BEST3: variants seen among roughly 807,000 people sequenced by gnomAD.
The protein encoded by BEST3 is bestrophin 3.
Under a neutral mutation model 47.1 loss-of-function variants are expected in BEST3, and 50 were observed. The observed-to-expected ratio is 1.06, with a 90% CI of 0.85 to 1.34. BEST3 has a LOEUF of 1.34. Ranked by LOEUF, BEST3 falls within the 40% of genes most tolerant of loss-of-function variation. The pLI, the probability that BEST3 is intolerant of heterozygous loss-of-function variation, is 0.00. For missense variants in BEST3, 765 were observed against 817.0 expected (o/e 0.94, Z 0.78); for synonymous variants, 282 against 298.8 (o/e 0.94, Z 0.58).
downstream of BEST3, among the ~76,000 whole-genome samples, chr12:69,651,849 C>T (rs891802791): frequency 4.0e-5 from 6 of 150,444 alleles, no homozygotes; most frequent in Non-Finnish European, 7.4e-5. Context: ...AAGCTAGAGG[C>T]GAAAACACCA....
chr12:69,678,448 C>T (rs1464720663), intron 5 of BEST3, among the ~76,000 whole-genome samples: 2 of 151,998 alleles, frequency 1.3e-5, no homozygotes, highest in African/African-American at 4.8e-5. Flanking sequence ...GCTTTTCGAG[C>T]CCTTGGCGAC....
intron 4 of BEST3, among the ~76,000 whole-genome samples, chr12:69,686,717 A>C (rs1040426526): frequency 8.8e-5 from 13 of 148,260 alleles, no homozygotes; most frequent in Non-Finnish European, 1.5e-5. Context: ...GGTTGCAGTG[A>C]GCCAAGATTT....
chr12:69,694,444 T>G lies in BEST3; in HGVS notation c.173A>C (p.Gln58Pro). 6.3e-7 allele frequency: 1 copy of G among 1,593,354 alleles called. No homozygotes were observed. Reference protein sequence around the residue: ...LVYRLLLTGVQKRYFEKLSIY... With the variant: ...LVYRLLLTGVPKRYFEKLSIY... ...TGATAATTTTTCAAAGTAACGTTTT[T>G]GGACTCCTGTAAGTAACAATCTGGA... is the stretch of plus-strand genomic sequence containing the variant. The change falls in exon 3 of 10, where the codon CAA (glutamine) becomes CCA (proline). Residue 58 changes from glutamine (Q) to proline (P), a missense_variant. Gln to Pro is a moderately conservative substitution (Grantham distance 76, BLOSUM62 -1). Transcript: ENST00000330891.
At chr12:69,693,001 G>GATCC (rs1794216965) in intron 4 of BEST3, among the ~76,000 whole-genome samples, 1 of 152,166 alleles carries the variant, frequency 6.6e-6, no homozygotes, top group South Asian at 2.1e-4. Context: ...GACCTCAGGT[G>GATCC]ATCCACCCGC....
chr12:69,679,216 A>G (rs528533095), intron 4 of BEST3, among the ~76,000 whole-genome samples: 3 of 152,380 alleles, frequency 2.0e-5, no homozygotes, highest in Non-Finnish European at 2.9e-5. Context: ...TGGTTTAGTC[A>G]TCTAAAGTTG....
chr12:69,691,277 A>T (rs976315001), intron 4 of BEST3, among the ~76,000 whole-genome samples: 2 of 152,160 alleles, frequency 1.3e-5, no homozygotes, highest in African/African-American at 4.8e-5. Context: ...AGCCTATGGG[A>T]TATATGAGGT....
chr12:69,666,075 A>C (rs1259080824), intron 9 of BEST3, among the ~76,000 whole-genome samples: 3 of 152,138 alleles, frequency 2.0e-5, no homozygotes, highest in Non-Finnish European at 4.4e-5. Context: ...ACTGTAGTGC[A>C]GTGGCATGAG....
At chr12:69,685,553 C>T (rs1015384512) in intron 4 of BEST3, among the ~76,000 whole-genome samples, 7 of 152,224 alleles carry the variant, frequency 4.6e-5, no homozygotes, top group Non-Finnish European at 2.9e-5. Flanking sequence ...GGGAGTCAGG[C>T]GTCAGAATTT....
rs184278383 is a variant in BEST3, at chr12:69,643,631, T to C, written c.*60A>G. ...GAATGTTTTTCAGTTGAGCAGCAGA[T>C]GAGATTGTTGGCTTGTGTTTAGGAG... On this transcript the variant is annotated 3_prime_UTR_variant, in exon 10 of 10. Transcript: ENST00000331471. 20 of 587,224 alleles carry C rather than the reference T, an allele frequency of 3.4e-5. No individual in the cohort carries two copies. In the Admixed American group the frequency reaches 5.0e-4, roughly 15 times the overall value. 36.4% of individuals were successfully genotyped at this position (587,224 alleles called of 1,614,324 possible). A position where few individuals can be genotyped will look rare whatever the true frequency, so the allele number is the denominator to read the frequency against.
At chr12:69,676,800 G>A (rs1465354860) in intron 7 of BEST3, 116 bp downstream of exon 7, 1 of 1,160,992 alleles carries the variant, frequency 8.6e-7, no homozygotes, top group Non-Finnish European at 1.2e-6. Flanking sequence ...GCCATTACAT[G>A]TTAAATCTAC....
In BEST3 at chr12:69,671,462, TGCAGTAGTCA is replaced by T. The variant is rs1884568047; in HGVS notation, c.1056_1065del (p.Asp353TyrfsTer36). Reference sequence around the variant, plus strand: ...ACTGTTGACCCCAGAAATGAGGGTATGCAGTAGTCAGCAGCTGCCAATGTGTATGGTGGGC... The same window carrying T: ...ACTGTTGACCCCAGAAATGAGGGTATGCAGCTGCCAATGTGTATGGTGGGC... On this transcript the variant is annotated frameshift_variant, in exon 9 of 10. Transcript: ENST00000330891. LOFTEE classifies it low-confidence loss of function (END_TRUNC). 26 of 1,614,114 alleles carry T rather than the reference TGCAGTAGTCA, an allele frequency of 1.6e-5. No homozygotes were observed. Among genetic ancestry groups the T allele is most frequent in the Non-Finnish European group, 2.1e-5 (25 of 1,179,990 alleles).
rs1287442664 is a variant in BEST3 at position 69,655,138 on chromosome 12, A to G, written c.1776T>C (p.Leu592=). 6.2e-7 allele frequency: 1 copy of G among 1,614,022 alleles called. No individual in the cohort carries two copies. The highest frequency in any genetic ancestry group is 8.5e-7 in the Non-Finnish European group (1 of 1,180,022). ...TGTGGCTGGACCCCAGGAATCCCGG[A>G]AGACTCCACCTTTTTAGAAAGGTAT... is the stretch of plus-strand genomic sequence containing the variant. ...PGDTFLKRWS[L]PGFLGSSHTS... The change falls in exon 10 of 10, where the codon CTT becomes CTC. Residue 592 remains leucine (L), a synonymous_variant. Transcript: ENST00000330891.
chr12:69,678,897 T>C lies in BEST3; in HGVS notation c.482-4A>G. ...CTTTCATCTGTTGTCATAAAACCTT[T>C]ACAAAAAAATAAAAATCGGTAGGTA... On this transcript the variant is annotated splice_polypyrimidine_tract_variant and splice_region_variant and intron_variant, in intron 4 of 9. Coordinates refer to ENST00000330891, the MANE Select transcript of BEST3 (RefSeq NM_032735.3). 6.2e-7 allele frequency: 1 copy of C among 1,609,612 alleles called. No individual in the cohort carries two copies. Among genetic ancestry groups the C allele is most frequent in the South Asian group, 1.1e-5 (1 of 90,404 alleles).
chr12:69,684,683 G>T (rs557457588), intron 4 of BEST3: 13 of 546,150 alleles, frequency 2.4e-5, no homozygotes, highest in Admixed American at 5.1e-5. Flanking sequence ...AGAGTGCAAC[G>T]TGCCTGGCTT....
rs1197615875 is a variant in BEST3 at position 69,697,689 on chromosome 12, A to G, written c.110T>C (p.Ile37Thr). 3.7e-6 allele frequency: 6 copies of G among 1,610,486 alleles called. No individual in the cohort carries two copies. Among genetic ancestry groups the G allele is most frequent in the Admixed American group, 3.4e-5 (2 of 59,376 alleles). Residue 37 changes from isoleucine (I) to threonine (T), a missense_variant, in exon 2 of 10, where the codon ATT (isoleucine) becomes ACT (threonine). Coordinates refer to ENST00000330891, the MANE Select transcript of BEST3 (RefSeq NM_032735.3). ...SIYKLLYREF[I>T]VFAVLYTAIS... Reference sequence around the variant, plus strand: ...TGCTGTATAAAGAACAGCAAAAACAATAAATTCCCTGTACAGTAGTTTGTA... The same window carrying G: ...TGCTGTATAAAGAACAGCAAAAACAGTAAATTCCCTGTACAGTAGTTTGTA...
intron 9 of BEST3, among the ~76,000 whole-genome samples, chr12:69,644,389 G>A (rs1882967560): frequency 6.6e-6 from 1 of 152,118 alleles, no homozygotes; most frequent in African/African-American, 2.4e-5. Flanking sequence ...GCATAATTTG[G>A]CTCTGTTGTT....
chr12:69,657,491 A>T (rs780094374), intron 9 of BEST3, among the ~76,000 whole-genome samples: 13 of 152,140 alleles, frequency 8.5e-5, no homozygotes, highest in Admixed American at 6.5e-5. Context: ...CTGGCCTCGG[A>T]TTACATAGTT....
intron 9 of BEST3, chr12:69,660,881 A>G (rs1295792763): frequency 1.3e-5 from 2 of 152,244 alleles, no homozygotes; most frequent in African/African-American, 4.8e-5. Flanking sequence ...GTGTTAATAA[A>G]AAACCCAAAT....
rs3910824 is a variant in BEST3 at position 69,671,664 on chromosome 12, T to C, written c.949-85A>G. On this transcript the variant is annotated intron_variant, in intron 8 of 9. Transcript: ENST00000330891. The stretch of plus-strand genomic sequence containing the variant: ...TTTTTTTGGGCAGATGAGAGTTAGA[T>C]TGGGCTAGGACACAGTCTAAATGAG... The C allele has an allele frequency of 5.0e-3, 6,358 of 1,271,884 alleles. 224 individuals are homozygous for C. In the African/African-American group the frequency reaches 0.077, roughly 15 times the overall value. 78.8% of individuals were successfully genotyped at this position (1,271,884 alleles called of 1,614,324 possible). A position where few individuals can be genotyped will look rare whatever the true frequency, so the allele number is the denominator to read the frequency against.
Sources: gnomAD v4.1 joint callset for allele counts (sites outside exome capture counted in the v4.1 genomes callset) on GRCh38, gnomAD v4.1.1 for gene constraint, MANE v1.5 for transcripts, NCBI Gene and HGNC (gene_info 2026-07-23, HGNC 2026-07-21) for gene names.